The following CNTNAP2 variants were observed in gnomAD, a reference collection of about 807,000 sequenced individuals.
CNTNAP2 encodes contactin-associated protein-like 2.
CNTNAP2 carries 98 observed loss-of-function variants against 155.2 expected under a neutral mutation model. The ratio of observed to expected loss-of-function variants is 0.63; its 90% confidence interval spans 0.54 to 0.75. CNTNAP2 has a LOEUF of 0.75. Among genes scored for constraint, CNTNAP2 ranks in the 30% least tolerant of loss-of-function variants. The pLI is 0.00. For missense variants in CNTNAP2, 1,727 were observed against 1,688.1 expected, an observed-to-expected ratio of 1.02 and a Z score of -0.40; for synonymous variants, 651 against 631.2, an observed-to-expected ratio of 1.03 and a Z score of -0.47.
intron 1 of CNTNAP2, among the ~76,000 whole-genome samples, chr7:146,658,328 GTGC>G (rs1014933572): frequency 6.6e-6 from 1 of 151,682 alleles, no homozygotes; most frequent in Non-Finnish European, 1.5e-5. Context: ...CTAAGTTATA[GTGC>G]TGGTGTTTGA....
chr7:146,942,255 AG>A (rs1407458768), intron 3 of CNTNAP2, among the ~76,000 whole-genome samples: 9 of 152,282 alleles, frequency 5.9e-5, no homozygotes, highest in Admixed American at 3.3e-4. Flanking sequence ...CTAAACTATC[AG>A]TGAAACAGTG....
In CNTNAP2 at chr7:146,774,399, TC is replaced by T; in HGVS notation, c.208+19del. 1 of 1,533,174 alleles carries T rather than the reference TC, an allele frequency of 6.5e-7. No individual in the cohort carries two copies. Among genetic ancestry groups the T allele is most frequent in the Non-Finnish European group, 9.0e-7 (1 of 1,107,674 alleles). The allele number at this position is 1,533,174 out of a possible 1,614,324, so 95.0% of individuals were successfully genotyped here. A position where few individuals can be genotyped will look rare whatever the true frequency, so the allele number is the denominator to read the frequency against. On this transcript the variant is annotated intron_variant, in intron 2 of 23. Coordinates refer to ENST00000361727, the MANE Select transcript of CNTNAP2 (RefSeq NM_014141.6). ...GAGAGGAGGTAAGCCAAATTTTGAT[TC>T]TTTTATCAATAAACATGTTAAATAA...
At chr7:146,344,976 A>G (rs1258627006) in intron 1 of CNTNAP2, among the ~76,000 whole-genome samples, 1 of 152,216 alleles carries the variant, frequency 6.6e-6, no homozygotes, top group Non-Finnish European at 1.5e-5. Context: ...GGAGAATAAT[A>G]TGAAATGTTA....
chr7:147,289,934 C>T (rs1338925631), intron 8 of CNTNAP2, among the ~76,000 whole-genome samples: 1 of 152,104 alleles, frequency 6.6e-6, no homozygotes, highest in African/African-American at 2.4e-5. Flanking sequence ...AAATGAATAG[C>T]ACCACTATTA....
intron 8 of CNTNAP2, among the ~76,000 whole-genome samples, chr7:147,189,715 T>C (rs1175845279): frequency 6.6e-6 from 1 of 151,006 alleles, no homozygotes; most frequent in African/African-American, 2.4e-5. Flanking sequence ...CTCTATGACT[T>C]CCAATCTTGG....
At chr7:147,189,049 C>T (rs1249665952) in intron 8 of CNTNAP2, among the ~76,000 whole-genome samples, 1 of 152,124 alleles carries the variant, frequency 6.6e-6, no homozygotes, top group Non-Finnish European at 1.5e-5. Context: ...GTAAAGAAAA[C>T]AGAACACTTG....
At chr7:146,204,584 A>G (rs1798917763) in intron 1 of CNTNAP2, among the ~76,000 whole-genome samples, 1 of 152,120 alleles carries the variant, frequency 6.6e-6, no homozygotes, top group Non-Finnish European at 1.5e-5. Context: ...TTATCTTTGT[A>G]TGGAGTCTCT....
intron 1 of CNTNAP2, among the ~76,000 whole-genome samples, chr7:146,484,401 A>T (rs371971184): frequency 6.6e-6 from 1 of 152,208 alleles, no homozygotes; most frequent in African/African-American, 2.4e-5. Context: ...GCTGTCTAAA[A>T]CTAAGAATTA....
At chr7:148,326,656 G>T (rs1256649590) in intron 21 of CNTNAP2, among the ~76,000 whole-genome samples, 1 of 151,970 alleles carries the variant, frequency 6.6e-6, no homozygotes, top group East Asian at 1.9e-4. Context: ...CATGAGGTCA[G>T]GAGATCGAGA....
intron 15 of CNTNAP2, among the ~76,000 whole-genome samples, chr7:147,992,005 T>G (rs1801717993): frequency 6.6e-6 from 1 of 152,040 alleles, no homozygotes; most frequent in South Asian, 2.1e-4. Context: ...TGCTGATAGT[T>G]CTGTTATAGC....
intron 3 of CNTNAP2, among the ~76,000 whole-genome samples, chr7:146,869,232 T>G (rs984309342): frequency 3.9e-5 from 6 of 152,206 alleles, no homozygotes; most frequent in South Asian, 2.1e-4. Flanking sequence ...TGAAGTGGTG[T>G]TAAATTTTAT....
At chr7:146,850,087 AGT>A (rs2129202920) in intron 3 of CNTNAP2, among the ~76,000 whole-genome samples, 1 of 152,286 alleles carries the variant, frequency 6.6e-6, no homozygotes, top group Non-Finnish European at 1.5e-5. Flanking sequence ...GGTTTGCTTG[AGT>A]TAAATAGCTT....
At chr7:146,168,612 TCACA>T (rs1489397665) in intron 1 of CNTNAP2, among the ~76,000 whole-genome samples, 1 of 152,186 alleles carries the variant, frequency 6.6e-6, no homozygotes, top group African/African-American at 2.4e-5. Flanking sequence ...TCTCTCCTGC[TCACA>T]TTTACTTGAA....
chr7:148,229,901 C>G lies in CNTNAP2; in HGVS notation c.3381+122C>G. ...GTAGAAGAGATGCTTTTTACACTTTCTCCTACAAGTGCATAACTAGTGAAG... is the reference window on the plus strand; with the variant it reads ...GTAGAAGAGATGCTTTTTACACTTTGTCCTACAAGTGCATAACTAGTGAAG... On this transcript the variant is annotated intron_variant, in intron 20 of 23. Coordinates refer to ENST00000361727, the MANE Select transcript of CNTNAP2 (RefSeq NM_014141.6). 3 of 1,108,710 alleles carry G rather than the reference C, an allele frequency of 2.7e-6. No homozygotes were observed. The South Asian group carries it at 4.2e-5, about 15-fold the overall frequency. 68.7% of individuals were successfully genotyped at this position (1,108,710 alleles called of 1,614,324 possible). A position where few individuals can be genotyped will look rare whatever the true frequency, so the allele number is the denominator to read the frequency against.
intron 1 of CNTNAP2, among the ~76,000 whole-genome samples, chr7:146,764,882 G>T (rs544863777): frequency 6.6e-6 from 1 of 152,066 alleles, no homozygotes; most frequent in African/African-American, 2.4e-5. Flanking sequence ...ATTGCCATAA[G>T]CTATTAAAAT....
intron 1 of CNTNAP2, among the ~76,000 whole-genome samples, chr7:146,171,145 G>A (rs1289800601): frequency 6.6e-6 from 1 of 152,124 alleles, no homozygotes; most frequent in Non-Finnish European, 1.5e-5. Flanking sequence ...CTGCTATACT[G>A]AGTAGAGTTT....
intron 13 of CNTNAP2, among the ~76,000 whole-genome samples, chr7:147,902,666 T>C (rs539664505): frequency 6.6e-6 from 1 of 152,324 alleles, no homozygotes; most frequent in East Asian, 1.9e-4. Flanking sequence ...TATTTGGTTT[T>C]CCATTCCTGA....
chr7:148,268,175 T>C (rs1796708826), intron 21 of CNTNAP2, among the ~76,000 whole-genome samples: 1 of 152,182 alleles, frequency 6.6e-6, no homozygotes, highest in African/African-American at 2.4e-5. Context: ...ATTTTGTTCA[T>C]ATGAGGCTGT....
intron 3 of CNTNAP2, among the ~76,000 whole-genome samples, chr7:146,900,361 T>C (rs1044742877): frequency 6.6e-6 from 1 of 152,220 alleles, no homozygotes; most frequent in Admixed American, 6.5e-5. Flanking sequence ...ATTTTCTAAA[T>C]AGCCTTCCTG....
Sources: gnomAD v4.1 joint callset for allele counts (sites outside exome capture counted in the v4.1 genomes callset) on GRCh38, gnomAD v4.1.1 for gene constraint, MANE v1.5 for transcripts, NCBI Gene and HGNC (gene_info 2026-07-23, HGNC 2026-07-21) for gene names.